LEF1: variants seen among roughly 807,000 people sequenced by gnomAD.
The protein encoded by LEF1 is lymphoid enhancer binding factor 1.
In LEF1, 14 loss-of-function variants were observed where a neutral mutation model predicts 51.2. The ratio of observed to expected loss-of-function variants is 0.27; its 90% CI spans 0.18 to 0.43. The LOEUF is 0.43. Among genes scored for constraint, LEF1 ranks in the 20% least tolerant of loss-of-function variants. The pLI is 1.00. For synonymous variants in LEF1, 185 were observed against 183.2 expected, an observed-to-expected ratio of 1.01 and a Z score of -0.08; for missense variants, 386 against 512.0, an observed-to-expected ratio of 0.75 and a Z score of 2.37.
At chr4:108,160,146 A>T (rs1744976121) in intron 3 of LEF1, among the ~76,000 whole-genome samples, 1 of 152,182 alleles carries the variant, frequency 6.6e-6, no homozygotes, top group Non-Finnish European at 1.5e-5. Flanking sequence ...AAGATGAATA[A>T]CCACAGTGCA....
chr4:108,166,274 C>G (rs755342278), intron 1 of LEF1: 2 of 1,536,132 alleles, frequency 1.3e-6, no homozygotes, highest in South Asian at 2.4e-5. Context: ...GTACTCACCT[C>G]TGCCATTGGG....
rs536852259 is a variant in LEF1, at chr4:108,097,987, G to C, written c.415-8730C>G. 2.6e-5 allele frequency among the ~76,000 whole-genome samples: 4 copies of C among 152,258 alleles called. No homozygotes were observed. The South Asian group carries it at 8.3e-4, about 32-fold the overall frequency. ...GGAGGCGACATGAGGCAACCCCAGG[G>C]ACTCCAGAACCAGAGAGGGAGGGCA... On this transcript the variant is annotated intron_variant, in intron 3 of 11. Coordinates refer to ENST00000265165, the MANE Select transcript of LEF1 (RefSeq NM_016269.5).
intron 3 of LEF1, among the ~76,000 whole-genome samples, chr4:108,139,029 A>T (rs1743479817): frequency 6.6e-6 from 1 of 152,244 alleles, no homozygotes; most frequent in Non-Finnish European, 1.5e-5. Context: ...GTTGGAGGAC[A>T]AATACCTAAA....
chr4:108,124,659 C>T (rs748609630), intron 3 of LEF1, among the ~76,000 whole-genome samples: 9 of 152,252 alleles, frequency 5.9e-5, no homozygotes, highest in South Asian at 2.1e-4. Flanking sequence ...TGAGTCACCG[C>T]GCCCGGAACA....
chr4:108,088,770 A>G (rs1315455089), intron 4 of LEF1, among the ~76,000 whole-genome samples: 1 of 130,632 alleles, frequency 7.7e-6, no homozygotes, highest in Non-Finnish European at 1.7e-5. Flanking sequence ...CCCCATTCCT[A>G]TTTTAAAATT....
intron 8 of LEF1, among the ~76,000 whole-genome samples, chr4:108,075,077 G>A (rs562225175): frequency 6.6e-6 from 1 of 152,332 alleles, no homozygotes; most frequent in South Asian, 2.1e-4. Flanking sequence ...AAGATGATGG[G>A]AATCACTCAT....
At chr4:108,091,737 G>A (rs1560783138) in intron 3 of LEF1, among the ~76,000 whole-genome samples, 2 of 152,096 alleles carry the variant, frequency 1.3e-5, no homozygotes, top group Non-Finnish European at 2.9e-5. Context: ...AACAGAATAA[G>A]CTTCTTAAAT....
chr4:108,101,543 C>T (rs1284754403), intron 3 of LEF1, among the ~76,000 whole-genome samples: 1 of 152,176 alleles, frequency 6.6e-6, no homozygotes, highest in East Asian at 1.9e-4. Flanking sequence ...GTTCTCAAGA[C>T]AGTCTACTCT....
At chr4:108,138,424 T>A (rs147916381) in intron 3 of LEF1, among the ~76,000 whole-genome samples, 1 of 152,166 alleles carries the variant, frequency 6.6e-6, no homozygotes, top group Non-Finnish European at 1.5e-5. Context: ...GGAACTTGCA[T>A]GGCAGTGAAA....
chr4:108,100,874 GACAA>G (rs1378930842), intron 3 of LEF1, among the ~76,000 whole-genome samples: 1 of 152,114 alleles, frequency 6.6e-6, no homozygotes, highest in Non-Finnish European at 1.5e-5. Flanking sequence ...TTATTTCTTT[GACAA>G]ACAAGAGGAT....
At chr4:108,110,390 G>A (rs753313368) in intron 3 of LEF1, among the ~76,000 whole-genome samples, 11 of 151,982 alleles carry the variant, frequency 7.2e-5, no homozygotes, top group South Asian at 2.1e-4. Context: ...GCCTTACTAC[G>A]CCCCTAGTGA....
At chr4:108,070,579 TAC>T in intron 9 of LEF1, 82 bp downstream of exon 9, 1 of 862,732 alleles carries the variant, frequency 1.2e-6, no homozygotes. Context: ...CAGCATTATA[TAC>T]ACCTAAAACA....
At chr4:108,067,245 C>T (rs780297220) in intron 9 of LEF1, among the ~76,000 whole-genome samples, 1 of 152,138 alleles carries the variant, frequency 6.6e-6, no homozygotes, top group Non-Finnish European at 1.5e-5. Flanking sequence ...AAAGATAAAT[C>T]ACATTACAGT....
chr4:108,133,028 C>T (rs1051656447), intron 3 of LEF1, among the ~76,000 whole-genome samples: 2 of 151,868 alleles, frequency 1.3e-5, no homozygotes, highest in Non-Finnish European at 2.9e-5. Flanking sequence ...GGCTGGAGTG[C>T]AGTGGTGCAG....
intron 3 of LEF1, among the ~76,000 whole-genome samples, chr4:108,144,504 C>T (rs1578393802): frequency 6.6e-6 from 1 of 152,232 alleles, no homozygotes; most frequent in East Asian, 1.9e-4. Flanking sequence ...CAATTTTCAA[C>T]ATGCTCATGA....
chr4:108,069,574 T>C (rs1375745745), intron 9 of LEF1, among the ~76,000 whole-genome samples: 2 of 152,182 alleles, frequency 1.3e-5, no homozygotes, highest in Non-Finnish European at 2.9e-5. Flanking sequence ...TTTTAAGTAG[T>C]CTGTGGCAAA....
At chr4:108,072,458 TC>T (rs1738553174) in intron 8 of LEF1, among the ~76,000 whole-genome samples, 1 of 152,028 alleles carries the variant, frequency 6.6e-6, no homozygotes, top group Non-Finnish European at 1.5e-5. Flanking sequence ...GGTAACAGAG[TC>T]CGTTTCCTTT....
chr4:108,049,621 G>A (rs917347593), intron 11 of LEF1, among the ~76,000 whole-genome samples: 1 of 152,182 alleles, frequency 6.6e-6, no homozygotes, highest in Non-Finnish European at 1.5e-5. Flanking sequence ...CAGCGATGCT[G>A]GAAGCACCTT....
rs561407656 is a variant in LEF1, at chr4:108,161,177, G to C, written c.414+2391C>G. ...AAGAAGAGAGGCTGTCTTCCGGTTA[G>C]TGTTTTTGATCTCCGACACATTAAA... On this transcript the variant is annotated intron_variant, in intron 3 of 11. Coordinates refer to ENST00000265165, the MANE Select transcript of LEF1 (RefSeq NM_016269.5). Among the ~76,000 whole-genome samples the C allele has an allele frequency of 1.4e-4, 21 of 152,256 alleles. No individual in the cohort carries two copies. The South Asian group carries it at 3.9e-3, about 29-fold the overall frequency.
Sources: allele counts gnomAD v4.1 joint callset (sites outside exome capture counted in the v4.1 genomes callset), GRCh38; gene constraint gnomAD v4.1.1; transcripts MANE v1.5; gene names NCBI Gene and HGNC (gene_info 2026-07-23, HGNC 2026-07-21).